The following ELAPOR1 variants were observed in gnomAD, a reference collection of about 807,000 sequenced individuals.
ELAPOR1 encodes the protein endosome-lysosome associated apoptosis and autophagy regulator 1, also known as endosome/lysosome-associated apoptosis and autophagy regulator 1.
Under a neutral mutation model 119.7 loss-of-function variants are expected in ELAPOR1, and 77 were observed. That is an observed-to-expected ratio of 0.64 (90% CI 0.54 to 0.78). The LOEUF is 0.78. ELAPOR1 is among the 30% of genes least tolerant of loss of function. ELAPOR1 has a pLI of 0.00. For missense variants in ELAPOR1, 1,115 were observed against 1,270.4 expected, an observed-to-expected ratio of 0.88 and a Z score of 1.86; for synonymous variants, 481 against 487.2, an observed-to-expected ratio of 0.99 and a Z score of 0.17.
In ELAPOR1 at chr1:109,186,462, T is replaced by G. The variant is rs1653050100; in HGVS notation, c.1041+1329T>G. 3 of 984,226 alleles carry G rather than the reference T, an allele frequency of 3.0e-6. No individual in the cohort carries two copies. The African/African-American group carries it at 5.2e-5, about 17-fold the overall frequency. 61.0% of individuals were successfully genotyped at this position (984,226 alleles called of 1,614,324 possible). On this transcript the variant is annotated intron_variant, in intron 8 of 21. Coordinates refer to ENST00000369939, the MANE Select transcript of ELAPOR1 (RefSeq NM_020775.5). Reference sequence around the variant, plus strand: ...TGGGCGGCTGACTGAATTCTCCCTTTCCTAACTAAGCATGGGTTAAAGTCT... The same window carrying G: ...TGGGCGGCTGACTGAATTCTCCCTTGCCTAACTAAGCATGGGTTAAAGTCT...
intron 1 of ELAPOR1, among the ~76,000 whole-genome samples, chr1:109,115,417 T>C (rs1376049049): frequency 2.0e-5 from 3 of 152,146 alleles, no homozygotes; most frequent in Non-Finnish European, 4.4e-5. Flanking sequence ...TTAGAATATA[T>C]ATATAGATGT....
At chr1:109,141,070 T>A (rs185453435) in intron 1 of ELAPOR1, among the ~76,000 whole-genome samples, 2 of 152,244 alleles carry the variant, frequency 1.3e-5, no homozygotes, top group Admixed American at 6.5e-5. Flanking sequence ...CAGGCTGGCC[T>A]CGAACTCCTG....
chr1:109,115,907 C>T (rs1052289645), intron 1 of ELAPOR1, among the ~76,000 whole-genome samples: 1 of 152,144 alleles, frequency 6.6e-6, no homozygotes, highest in Non-Finnish European at 1.5e-5. Flanking sequence ...GTGACTGGCT[C>T]ACTGGCCTTG....
intron 11 of ELAPOR1, among the ~76,000 whole-genome samples, chr1:109,190,990 G>A (rs1010069117): frequency 1.3e-5 from 2 of 152,178 alleles, no homozygotes; most frequent in Non-Finnish European, 2.9e-5. Context: ...CTGGGCCTGG[G>A]AGGAGCCTGA....
intron 3 of ELAPOR1, among the ~76,000 whole-genome samples, chr1:109,166,898 T>C (rs1173740083): frequency 1.3e-5 from 2 of 152,236 alleles, no homozygotes; most frequent in African/African-American, 4.8e-5. Context: ...TGTATTACAC[T>C]TGGATTTCTA....
At position 109,189,228 on chromosome 1, in the gene ELAPOR1, C is replaced by T. The variant is rs370707028; in HGVS notation, c.1348+34C>T. The T allele has an allele frequency of 9.3e-6, 15 of 1,604,878 alleles. 1 individual carries two copies. The South Asian group carries it at 1.5e-4, about 16-fold the overall frequency. ...CTCTCCCTGTGCCATGAGCTGTCAG[C>T]TCCCTGCACACCCTCAGTTCTTCCA... On this transcript the variant is annotated intron_variant, in intron 10 of 21. Transcript: ENST00000369939.
intron 7 of ELAPOR1, among the ~76,000 whole-genome samples, chr1:109,184,732 C>G (rs1652941003): frequency 6.6e-6 from 1 of 152,240 alleles, no homozygotes; most frequent in Non-Finnish European, 1.5e-5. Context: ...CTGTTTCCGT[C>G]TACCCTCCTT....
At chr1:109,142,036 C>T (rs568512889) in intron 1 of ELAPOR1, among the ~76,000 whole-genome samples, 17 of 152,090 alleles carry the variant, frequency 1.1e-4, no homozygotes, top group Admixed American at 3.3e-4. Flanking sequence ...TCTGAGGTGC[C>T]TGTGGAATGC....
At chr1:109,116,971 G>A (rs148393430) in intron 1 of ELAPOR1, among the ~76,000 whole-genome samples, 28 of 152,326 alleles carry the variant, frequency 1.8e-4, no homozygotes, top group East Asian at 5.8e-4. Flanking sequence ...GACTGCAGGC[G>A]TGAGTCACTG....
intron 1 of ELAPOR1, among the ~76,000 whole-genome samples, chr1:109,157,399 A>T (rs966661407): frequency 3.9e-5 from 6 of 152,066 alleles, no homozygotes; most frequent in African/African-American, 1.4e-4. Flanking sequence ...GATGTGCTTG[A>T]CCTACATCAT....
intron 15 of ELAPOR1, among the ~76,000 whole-genome samples, chr1:109,197,140 A>G (rs913166432): frequency 1.5e-4 from 5 of 32,650 alleles, no homozygotes; most frequent in East Asian, 7.2e-4. Flanking sequence ...TATCTTTACG[A>G]AAAAAAAAAA....
chr1:109,141,826 T>TG (rs1177233642), intron 1 of ELAPOR1, among the ~76,000 whole-genome samples: 1 of 151,690 alleles, frequency 6.6e-6, no homozygotes, highest in East Asian at 1.9e-4. Context: ...CCACCACACC[T>TG]GGCTAATTTT....
chr1:109,153,545 G>A (rs1650664819), intron 1 of ELAPOR1, among the ~76,000 whole-genome samples: 1 of 152,210 alleles, frequency 6.6e-6, no homozygotes, highest in African/African-American at 2.4e-5. Context: ...TGCATGTATA[G>A]AATCAGAATC....
chr1:109,165,827 C>G (rs1012913912), intron 3 of ELAPOR1, among the ~76,000 whole-genome samples: 4 of 150,710 alleles, frequency 2.7e-5, no homozygotes, highest in Admixed American at 2.6e-4. Context: ...TCGCCACAAG[C>G]CCCAGCTCCC....
intron 7 of ELAPOR1, among the ~76,000 whole-genome samples, chr1:109,183,549 TTTCCTTCC>T (rs1187192136): frequency 0.012 from 1,002 of 81,122 alleles, 26 homozygotes; most frequent in African/African-American, 0.042. Flanking sequence ...CTTTCTTTCT[TTTCCTTCC>T]TTCCTTCCTT....
At chr1:109,118,395 C>T (rs1403632837) in intron 1 of ELAPOR1, among the ~76,000 whole-genome samples, 1 of 152,044 alleles carries the variant, frequency 6.6e-6, no homozygotes, top group Non-Finnish European at 1.5e-5. Flanking sequence ...GTGGAGAATC[C>T]CTGAAGGATT....
At position 109,203,101 on chromosome 1, in the gene ELAPOR1, C is replaced by T; in HGVS notation, c.*89C>T. 2 of 812,120 alleles carry T rather than the reference C, an allele frequency of 2.5e-6. No individual in the cohort carries two copies. The highest frequency in any genetic ancestry group is 3.0e-5 in the South Asian group (2 of 66,200). The allele number at this position is 812,120 out of a possible 1,614,324, so 50.3% of individuals were successfully genotyped here. A position where few individuals can be genotyped will look rare whatever the true frequency, so the allele number is the denominator to read the frequency against. On this transcript the variant is annotated 3_prime_UTR_variant, in exon 22 of 22. Coordinates refer to ENST00000369939, the MANE Select transcript of ELAPOR1 (RefSeq NM_020775.5). ...TTGGGTGCCAGCATCCTGCAACACC[C>T]ACTGCTGGAAATCTCTTCATTGTGG...
chr1:109,177,266 G>A (rs1356216439), intron 7 of ELAPOR1, among the ~76,000 whole-genome samples: 5 of 146,514 alleles, frequency 3.4e-5, no homozygotes, highest in African/African-American at 7.7e-5. Flanking sequence ...CGGACGGGGC[G>A]GCTGCCGGGC....
At chr1:109,164,738 G>A in intron 3 of ELAPOR1, 47 bp downstream of exon 3, 8 of 1,546,220 alleles carry the variant, frequency 5.2e-6, no homozygotes, top group Non-Finnish European at 7.1e-6. Flanking sequence ...ACTGGGTAAG[G>A]GGCTACAGGG....
Sources: gnomAD v4.1 joint callset for allele counts (sites outside exome capture counted in the v4.1 genomes callset) on GRCh38, gnomAD v4.1.1 for gene constraint, MANE v1.5 for transcripts, NCBI Gene and HGNC (gene_info 2026-07-23, HGNC 2026-07-21) for gene names.